The following ATP8B4 variants were observed in gnomAD, a reference collection of about 807,000 sequenced individuals.
The protein encoded by ATP8B4 is probable phospholipid-transporting ATPase IM.
A neutral mutation model predicts 145.6 loss-of-function variants in ATP8B4; 133 were observed. That is an observed-to-expected ratio of 0.91 (90% CI 0.79 to 1.05). The LOEUF (loss-of-function observed/expected upper bound fraction) is 1.05. ATP8B4 is among the 50% of genes least tolerant of loss of function. The pLI, the probability that ATP8B4 is intolerant of heterozygous loss-of-function variation, is 0.00. For missense variants in ATP8B4, 1,458 were observed against 1,425.2 expected (o/e 1.02, Z -0.37); for synonymous variants, 507 against 492.9 (o/e 1.03, Z -0.38).
chr15:49,962,756 T>C (rs2044191347), intron 13 of ATP8B4, among the ~76,000 whole-genome samples: 1 of 152,238 alleles, frequency 6.6e-6, no homozygotes, highest in South Asian at 2.1e-4. Context: ...ATGTAAAGTA[T>C]GAGAATTTCT....
At chr15:49,924,965 G>A (rs945624696) in intron 16 of ATP8B4, among the ~76,000 whole-genome samples, 1 of 152,092 alleles carries the variant, frequency 6.6e-6, no homozygotes, top group African/African-American at 2.4e-5. Flanking sequence ...CAACACCAGA[G>A]GTATAAAGGC....
chr15:50,115,602 C>A (rs187976258), intron 1 of ATP8B4, among the ~76,000 whole-genome samples: 14 of 151,936 alleles, frequency 9.2e-5, no homozygotes, highest in African/African-American at 3.4e-4. Flanking sequence ...GTTTGCGGAG[C>A]AGTGATAGTC....
In ATP8B4 at chr15:50,104,510, G is replaced by A. The variant is rs561365781; in HGVS notation, c.28+2429C>T. Among the ~76,000 whole-genome samples, 18 of 152,252 alleles carry A rather than the reference G, an allele frequency of 1.2e-4. No individual in the cohort carries two copies. The South Asian group carries it at 3.5e-3, about 30-fold the overall frequency. ...CAACATCACTAATTATCAGGGAAAT[G>A]CAAATCAAAACCACAATGTGATACC... is the stretch of plus-strand genomic sequence containing the variant. On this transcript the variant is annotated intron_variant, in intron 2 of 27. Coordinates refer to ENST00000284509, the MANE Select transcript of ATP8B4 (RefSeq NM_024837.4).
At chr15:50,006,964 G>C (rs759144138) in intron 7 of ATP8B4, among the ~76,000 whole-genome samples, 1 of 152,062 alleles carries the variant, frequency 6.6e-6, no homozygotes, top group Non-Finnish European at 1.5e-5. Flanking sequence ...TTCTTCTAAT[G>C]CAAGTCAGAC....
intron 2 of ATP8B4, among the ~76,000 whole-genome samples, chr15:50,093,723 G>T (rs1050376469): frequency 3.3e-5 from 5 of 151,896 alleles, no homozygotes; most frequent in African/African-American, 1.2e-4. Flanking sequence ...TTATCAAACT[G>T]AATTTTTTAA....
At position 49,979,549 on chromosome 15, in the gene ATP8B4, A is replaced by T. The variant is rs541784555; in HGVS notation, c.1034+68T>A. The T allele has an allele frequency of 2.9e-4, 373 of 1,295,790 alleles. 1 individual carries two copies. The South Asian group carries it at 3.4e-3, about 12-fold the overall frequency. 80.3% of individuals were successfully genotyped at this position (1,295,790 alleles called of 1,614,324 possible). Reference sequence around the variant, plus strand: ...CATCTATTGCACTGCTGAAACTTTAAAACAAATAATATTGGAAACAAAGGT... The same window carrying T: ...CATCTATTGCACTGCTGAAACTTTATAACAAATAATATTGGAAACAAAGGT... On this transcript the variant is annotated intron_variant, in intron 12 of 27. Transcript: ENST00000284509.
intron 3 of ATP8B4, among the ~76,000 whole-genome samples, chr15:50,052,797 G>C (rs1239356464): frequency 6.6e-6 from 1 of 152,090 alleles, no homozygotes; most frequent in Non-Finnish European, 1.5e-5. Context: ...CAGACTAGAT[G>C]GAGTAGTTCC....
At chr15:49,900,912 T>C (rs922296180) in intron 21 of ATP8B4, among the ~76,000 whole-genome samples, 180 bp downstream of exon 21, 1 of 152,126 alleles carries the variant, frequency 6.6e-6, no homozygotes, top group Non-Finnish European at 1.5e-5. Context: ...CAAATAATAA[T>C]GTATGAGATA....
chr15:49,923,388 G>C lies in ATP8B4; in HGVS notation c.1749C>G (p.Asp583Glu). 6.2e-7 allele frequency: 1 copy of C among 1,608,134 alleles called. No individual in the cohort carries two copies. The highest frequency in any genetic ancestry group is 8.5e-7 in the Non-Finnish European group (1 of 1,174,700). Residue 583 changes from aspartate (D) to glutamate (E), a missense_variant, in exon 17 of 28, where the codon GAC (aspartate) becomes GAG (glutamate). Physicochemically the swap from Asp to Glu is conservative, Grantham distance 45. Transcript: ENST00000284509. ...SNEVLLSLTS[D>E]HLSEFAGEGL... Reference sequence around the variant, plus strand: ...AGACGGAGGCACTTACACTGAGGTGGTCTGACGTCAAAGACAAAAGGACTT... The same window carrying C: ...AGACGGAGGCACTTACACTGAGGTGCTCTGACGTCAAAGACAAAAGGACTT...
At chr15:50,073,919 T>TA (rs11412296) in intron 3 of ATP8B4, among the ~76,000 whole-genome samples, 29,248 of 152,116 alleles carry the variant, frequency 0.19, 3,135 homozygotes, top group East Asian at 0.32. Flanking sequence ...CCCATGACAA[T>TA]AAGCATACCA....
chr15:49,922,283 T>C, intron 17 of ATP8B4: 9 of 252,010 alleles, frequency 3.6e-5, no homozygotes, highest in South Asian at 3.4e-4. Context: ...TCCTATAGTT[T>C]AGTATTAAAG....
intron 18 of ATP8B4, 33 bp from the exon 19 acceptor site, chr15:49,918,983 A>G (rs370742277): frequency 6.1e-5 from 88 of 1,450,096 alleles, no homozygotes; most frequent in Non-Finnish European, 8.5e-5. Context: ...GTTTATGTTA[A>G]TGCATGCAAA....
At chr15:50,007,261 C>A (rs914045124) in intron 7 of ATP8B4, among the ~76,000 whole-genome samples, 1 of 152,154 alleles carries the variant, frequency 6.6e-6, no homozygotes, top group African/African-American at 2.4e-5. Flanking sequence ...TATGCATCTG[C>A]ACTGGGCACA....
chr15:50,107,107 G>A (rs2056723243), intron 1 of ATP8B4, 99 bp from the exon 2 acceptor site: 2 of 670,900 alleles, frequency 3.0e-6, no homozygotes, highest in Non-Finnish European at 2.4e-6. Flanking sequence ...AGGTAATTAG[G>A]AAGTCACTGA....
chr15:50,171,926 C>G (rs1465066084), intron 1 of ATP8B4, among the ~76,000 whole-genome samples: 1 of 152,118 alleles, frequency 6.6e-6, no homozygotes, highest in African/African-American at 2.4e-5. Flanking sequence ...TCATTCAAGG[C>G]TACTATGAAC....
At chr15:49,954,411 A>G (rs913173786) in intron 14 of ATP8B4, among the ~76,000 whole-genome samples, 5 of 152,236 alleles carry the variant, frequency 3.3e-5, no homozygotes, top group African/African-American at 1.2e-4. Flanking sequence ...ACAGATTGGG[A>G]GAAAATACTC....
intron 2 of ATP8B4, among the ~76,000 whole-genome samples, chr15:50,095,482 G>A (rs778845191): frequency 4.6e-5 from 7 of 152,180 alleles, no homozygotes; most frequent in Non-Finnish European, 8.8e-5. Context: ...GAGGTTGAAC[G>A]CAGTGGCTCA....
chr15:49,924,233 T>G (rs765559994), intron 16 of ATP8B4, among the ~76,000 whole-genome samples: 1 of 152,114 alleles, frequency 6.6e-6, no homozygotes, highest in African/African-American at 2.4e-5. Context: ...TAGACAAAGC[T>G]TTCTTTCAAA....
intron 7 of ATP8B4, chr15:50,009,820 C>A (rs2048594492): frequency 5.5e-6 from 2 of 362,480 alleles, no homozygotes; most frequent in South Asian, 4.2e-5. Context: ...CTGCCGACAC[C>A]TTTGTGTTTA....
Sources: allele counts gnomAD v4.1 joint callset (sites outside exome capture counted in the v4.1 genomes callset), GRCh38; gene constraint gnomAD v4.1.1; transcripts MANE v1.5; gene names NCBI Gene and HGNC (gene_info 2026-07-23, HGNC 2026-07-21).